SAMD11: variants seen among roughly 807,000 people sequenced by gnomAD.
The protein encoded by SAMD11 is sterile alpha motif domain-containing protein 11.
SAMD11 carries 77 observed loss-of-function variants against 64.4 expected under a neutral mutation model. That is an observed-to-expected ratio of 1.20 (90% CI 0.99 to 1.44). SAMD11 has a LOEUF of 1.44. SAMD11 is among the 40% of genes most tolerant of loss of function. The pLI is 0.00. For synonymous variants in SAMD11, 658 were observed against 421.9 expected (o/e 1.56, Z -6.86); for missense variants, 1,402 against 943.3 (o/e 1.49, Z -6.37).
At chr1:942,296 CGCGGACCCGGCCCTGCCCCTG>C in intron 9 of SAMD11, 45 bp downstream of exon 9, 3 of 1,034,086 alleles carry the variant, frequency 2.9e-6, no homozygotes, top group Non-Finnish European at 3.9e-6. Flanking sequence ...CGTGGAGGCT[CGCGGACCCGGCCCTGCCCCTG>C]TCGGAGCCGA....
At chr1:930,814 G>A (rs1219445585) in intron 3 of SAMD11, among the ~76,000 whole-genome samples, 1 of 152,224 alleles carries the variant, frequency 6.6e-6, no homozygotes, top group Non-Finnish European at 1.5e-5. Context: ...CGTGTCTGCT[G>A]AGGCCAGGAG....
chr1:928,375 G>C (rs889375532), intron 2 of SAMD11, among the ~76,000 whole-genome samples: 2 of 152,198 alleles, frequency 1.3e-5, no homozygotes, highest in East Asian at 1.9e-4. Context: ...CTGGGCAACA[G>C]AGTGAGACTC....
At chr1:925,574 C>A (rs1179060149) in intron 1 of SAMD11, among the ~76,000 whole-genome samples, 2 of 152,144 alleles carry the variant, frequency 1.3e-5, no homozygotes, top group African/African-American at 4.8e-5. Flanking sequence ...GGCCGAGGGT[C>A]CCGACGGCGC....
At chr1:940,079 G>T (rs1229826905) in intron 7 of SAMD11, among the ~76,000 whole-genome samples, 1 of 152,230 alleles carries the variant, frequency 6.6e-6, no homozygotes, top group Non-Finnish European at 1.5e-5. Flanking sequence ...CTAGAGGTGG[G>T]TGGGGGCGCC....
In SAMD11 at chr1:930,081, AGCCCCACCTTCCTCTCCTCCT is replaced by A. The variant is rs879326979; in HGVS notation, c.610-23_610-3del. On this transcript the variant is annotated intron_variant, in intron 2 of 13. Transcript: ENST00000616016. ...CCCGGGAGATGGAACGGCCCGGTCC[AGCCCCACCTTCCTCTCCTCCT>A]GCCCCACCTTCCTCTCCTCCTGCCC... is the stretch of plus-strand genomic sequence containing the variant. 1,312 of 1,475,018 alleles carry A rather than the reference AGCCCCACCTTCCTCTCCTCCT, an allele frequency of 8.9e-4. 4 individuals carry two copies. Among genetic ancestry groups the A allele is most frequent in the East Asian group, 5.4e-3 (217 of 39,996 alleles). The allele number at this position is 1,475,018 out of a possible 1,614,324, so 91.4% of individuals were successfully genotyped here. A position where few individuals can be genotyped will look rare whatever the true frequency, so the allele number is the denominator to read the frequency against.
chr1:939,600 C>T (rs967695007), intron 7 of SAMD11, 188 bp downstream of exon 7: 33 of 1,029,284 alleles, frequency 3.2e-5, no homozygotes, highest in Non-Finnish European at 3.9e-5. Flanking sequence ...CCCCATGCCC[C>T]CTGGGGCGGG....
At chr1:943,112 C>T in intron 11 of SAMD11, 54 bp downstream of exon 11, 1 of 1,555,056 alleles carries the variant, frequency 6.4e-7, no homozygotes, top group African/African-American at 1.4e-5. Flanking sequence ...TGGCAGGCCG[C>T]CTGTGGAAGG....
intron 2 of SAMD11, among the ~76,000 whole-genome samples, chr1:929,873 C>T (rs531480361): frequency 1.3e-5 from 2 of 152,134 alleles, no homozygotes; most frequent in East Asian, 1.9e-4. Flanking sequence ...AGCCAGTGGG[C>T]GTCGTCTGTA....
chr1:942,872 G>A lies in SAMD11; in HGVS notation c.1867G>A (p.Gly623Ser), dbSNP rs769932481. 1.3e-6 allele frequency: 2 copies of A among 1,554,126 alleles called. No homozygotes were observed. The highest frequency in any genetic ancestry group is 3.9e-5 in the Admixed American group (2 of 51,198). Residue 623 changes from glycine (G) to serine (S), a missense_variant, in exon 11 of 14, where the codon GGC becomes AGC. Coordinates refer to ENST00000616016, the MANE Select transcript of SAMD11 (RefSeq NM_001385641.1). ...GGGGGCTAGGCTCTGGGCACAAGATGGCTCGGAAGACGAGCCCCCCAAAGA... is the reference window on the plus strand; with the variant it reads ...GGGGGCTAGGCTCTGGGCACAAGATAGCTCGGAAGACGAGCCCCCCAAAGA... The part of the protein sequence containing the change: ...MTGARLWAQD[G>S]SEDEPPKDSD...
Position 939,072 on chromosome 1 carries a change from C to A in SAMD11, c.1000C>A (p.Pro334Thr), listed in dbSNP as rs756927330. 6.2e-7 allele frequency: 1 copy of A among 1,605,952 alleles called. No homozygotes were observed. The highest frequency in any genetic ancestry group is 8.5e-7 in the Non-Finnish European group (1 of 1,176,640). Residue 334 changes from proline (P) to threonine (T), a missense_variant, in exon 6 of 14, where the codon CCC becomes ACC. Physicochemically the swap from Pro to Thr is conservative, Grantham distance 38. Coordinates refer to ENST00000616016, the MANE Select transcript of SAMD11 (RefSeq NM_001385641.1). ...GTTGGGCAAGAGGCTGGGCCGCTCC[C>A]CCCGTATCAGCAGCGACTGCTTTTC... Reference protein sequence around the residue: ...DLLGKRLGRSPRISSDCFSEK... With the variant: ...DLLGKRLGRSTRISSDCFSEK...
rs550688926 is a variant in SAMD11 at position 941,660 on chromosome 1, A to C, written c.1358+354A>C. Among the ~76,000 whole-genome samples, 3 of 151,860 alleles carry C rather than the reference A, an allele frequency of 2.0e-5. No individual in the cohort carries two copies. In the South Asian group the frequency reaches 6.3e-4, roughly 32 times the overall value. On this transcript the variant is annotated intron_variant, in intron 8 of 13. Transcript: ENST00000616016. The stretch of plus-strand genomic sequence containing the variant: ...GCTCAAATGTAGACGCCGGCGCCGG[A>C]TCTGTTCCCGGCACAGACAAGGCCT...
intron 4 of SAMD11, 27 bp downstream of exon 4, chr1:931,116 G>A (rs1641147238): frequency 1.9e-6 from 3 of 1,607,320 alleles, no homozygotes; most frequent in East Asian, 2.2e-5. Flanking sequence ...GCGTGCATAA[G>A]AGGGGGCCGT....
chr1:944,347 G>T lies in SAMD11; in HGVS notation c.*194G>T. 2 of 1,371,110 alleles carry T rather than the reference G, an allele frequency of 1.5e-6. No homozygotes were observed. The highest frequency in any genetic ancestry group is 3.8e-5 in the South Asian group (2 of 52,024). 84.9% of individuals were successfully genotyped at this position (1,371,110 alleles called of 1,614,324 possible). The stretch of plus-strand genomic sequence containing the variant: ...AGTGAAGGCAGAGCCTGGTGCAGAT[G>T]GACGAGGTCTGCAGACGGAGGGCAG... On this transcript the variant is annotated 3_prime_UTR_variant, in exon 14 of 14. Coordinates refer to ENST00000616016, the MANE Select transcript of SAMD11 (RefSeq NM_001385641.1).
intron 4 of SAMD11, 42 bp downstream of exon 4, chr1:931,131 C>CCCCAGG: frequency 7.4e-7 from 1 of 1,358,076 alleles, no homozygotes; most frequent in Non-Finnish European, 1.0e-6. Context: ...GGCCGTGACT[C>CCCCAGG]CCCTCCCTCC....
rs774955014 is a variant in SAMD11, at chr1:939,391, C to A, written c.1174C>A (p.His392Asn). 3 of 1,612,984 alleles carry A rather than the reference C, an allele frequency of 1.9e-6. No homozygotes were observed. The highest frequency in any genetic ancestry group is 2.5e-6 in the Non-Finnish European group (3 of 1,179,904). ...CTTTGAGGACCCTCAGCGCCTCTAC[C>A]ACCTGGGCCTCCCCAGCCACGGTGA... ...STFEDPQRLYHLGLPSHDLLR... is the reference protein window; with the variant it reads ...STFEDPQRLYNLGLPSHDLLR... The change falls in exon 7 of 14, where the codon CAC becomes AAC. Residue 392 changes from histidine to asparagine, a missense_variant. Physicochemically the swap from His to Asn is moderately conservative, Grantham distance 68 (BLOSUM62 1). Coordinates refer to ENST00000616016, the MANE Select transcript of SAMD11 (RefSeq NM_001385641.1).
At chr1:938,362 G>C (rs1223679006) in intron 5 of SAMD11, among the ~76,000 whole-genome samples, 1 of 152,158 alleles carries the variant, frequency 6.6e-6, no homozygotes, top group Non-Finnish European at 1.5e-5. Context: ...TGAGGAGGTG[G>C]GTGAAGCTAC....
chr1:939,681 C>CTGGGGTGGACCCAGGT (rs1553159877), intron 7 of SAMD11, among the ~76,000 whole-genome samples: 1 of 152,138 alleles, frequency 6.6e-6, no homozygotes, highest in Non-Finnish European at 1.5e-5. Flanking sequence ...GAAATGGAGT[C>CTGGGGTGGACCCAGGT]TGGGGTGGAC....
intron 2 of SAMD11, among the ~76,000 whole-genome samples, chr1:927,774 T>A (rs1455639163): frequency 6.6e-6 from 1 of 152,228 alleles, no homozygotes; most frequent in African/African-American, 2.4e-5. Context: ...CAGATCTGTG[T>A]GCTGTGGCCG....
chr1:944,053 G>C lies in SAMD11; in HGVS notation c.2435G>C (p.Gly812Ala). 6.2e-7 allele frequency: 1 copy of C among 1,612,768 alleles called. No individual in the cohort carries two copies. ...CCCACGACGGCCACGTCCCCCTATG[G>C]AGGGGGCCACGCCCTTGCCGGTCAA... is the stretch of plus-strand genomic sequence containing the variant. ...LSPTTATSPY[G>A]GGHALAGQTS... Residue 812 changes from glycine to alanine, a missense_variant, in exon 14 of 14, where the codon GGA (glycine) becomes GCA (alanine). By Grantham distance (60) the Gly-to-Ala change is moderately conservative. Transcript: ENST00000616016.
Sources: allele counts gnomAD v4.1 joint callset (sites outside exome capture counted in the v4.1 genomes callset), GRCh38; gene constraint gnomAD v4.1.1; transcripts MANE v1.5; gene names NCBI Gene and HGNC (gene_info 2026-07-23, HGNC 2026-07-21).